Variants in DGKB observed in about 807,000 individuals in gnomAD.
DGKB encodes the protein diacylglycerol kinase beta.
Under a neutral mutation model 114.3 loss-of-function variants are expected in DGKB, and 67 were observed. The ratio of observed to expected loss-of-function variants is 0.59; its 90% CI spans 0.48 to 0.72. The LOEUF (loss-of-function observed/expected upper bound fraction) is 0.72, where lower values mean the gene tolerates loss of function less well. Ranked by LOEUF, DGKB falls within the 30% of genes least tolerant of loss-of-function variation. The pLI, the probability that DGKB is intolerant of heterozygous loss-of-function variation, is 0.00. For synonymous variants in DGKB, 398 were observed against 323.1 expected, an observed-to-expected ratio of 1.23 and a Z score of -2.49; for missense variants, 907 against 975.2, an observed-to-expected ratio of 0.93 and a Z score of 0.93.
intron 5 of DGKB, 104 bp from the exon 6 acceptor site, chr7:14,718,789 A>AT (rs922090500): frequency 5.7e-5 from 49 of 866,102 alleles, no homozygotes; most frequent in Admixed American, 2.1e-4. Context: ...AGAAATTTAT[A>AT]TTTTTTAGGC....
rs551539300 is a variant in DGKB, at chr7:14,824,382, G to C, written c.70+16812C>G. On this transcript the variant is annotated intron_variant, in intron 2 of 25. Coordinates refer to ENST00000402815, the MANE Select transcript of DGKB (RefSeq NM_001350709.2). The stretch of plus-strand genomic sequence containing the variant: ...TTTTGTTCTGTCTGGCTTTAGAATT[G>C]GGTAAGGACCTAGAACGTGTAAGGG... Among the ~76,000 whole-genome samples the C allele has an allele frequency of 2.0e-5, 3 of 152,160 alleles. No homozygotes were observed. In the South Asian group the frequency reaches 6.2e-4, roughly 32 times the overall value.
At chr7:14,288,519 G>C (rs988371510) in intron 23 of DGKB, among the ~76,000 whole-genome samples, 11 of 152,012 alleles carry the variant, frequency 7.2e-5, no homozygotes, top group African/African-American at 2.7e-4. Context: ...GCCAACTTAA[G>C]AGTCCCAGGA....
chr7:14,739,003 C>T (rs1443103148), intron 4 of DGKB, among the ~76,000 whole-genome samples: 1 of 152,216 alleles, frequency 6.6e-6, no homozygotes, highest in East Asian at 1.9e-4. Flanking sequence ...AAGAATTTAT[C>T]TGCTCTTTTG....
At position 14,329,041 on chromosome 7, in the gene DGKB, A is replaced by T. The variant is rs533287525; in HGVS notation, c.2122+9474T>A. Reference sequence around the variant, plus strand: ...GAGATTCTATGTATTTCCACAAAACAGAGTGGCCGCACACTTCCAAGGAGC... The same window carrying T: ...GAGATTCTATGTATTTCCACAAAACTGAGTGGCCGCACACTTCCAAGGAGC... On this transcript the variant is annotated intron_variant, in intron 23 of 25. Coordinates refer to ENST00000402815, the MANE Select transcript of DGKB (RefSeq NM_001350709.2). Among the ~76,000 whole-genome samples the T allele has an allele frequency of 5.9e-5, 9 of 152,148 alleles. No homozygotes were observed. In the South Asian group the frequency reaches 1.4e-3, roughly 25 times the overall value.
chr7:14,294,267 T>C (rs1044160644), intron 23 of DGKB, among the ~76,000 whole-genome samples: 1 of 152,170 alleles, frequency 6.6e-6, no homozygotes, highest in Non-Finnish European at 1.5e-5. Flanking sequence ...TTAGCCACCT[T>C]ATCCATCTGC....
At chr7:14,742,289 A>G (rs1832690756) in intron 4 of DGKB, among the ~76,000 whole-genome samples, 2 of 152,148 alleles carry the variant, frequency 1.3e-5, no homozygotes. Flanking sequence ...AAATCTTACA[A>G]CTACTGGATC....
intron 1 of DGKB, among the ~76,000 whole-genome samples, chr7:14,954,681 C>T (rs1312060660): frequency 2.0e-5 from 3 of 151,724 alleles, no homozygotes; most frequent in Non-Finnish European, 4.4e-5. Context: ...GCAGGAAGAA[C>T]AAATAATTAC....
chr7:14,368,835 AAGAGCCCGGG>A (rs1461705555), intron 21 of DGKB, among the ~76,000 whole-genome samples: 1 of 152,140 alleles, frequency 6.6e-6, no homozygotes, highest in Non-Finnish European at 1.5e-5. Context: ...TAGGCACAGG[AAGAGCCCGGG>A]AGAGCCCTCA....
chr7:14,231,298 A>T (rs1791801792), intron 23 of DGKB, among the ~76,000 whole-genome samples: 1 of 151,700 alleles, frequency 6.6e-6, no homozygotes, highest in African/African-American at 2.4e-5. Flanking sequence ...CACCATGCTC[A>T]GCCAATTTTT....
chr7:14,916,110 A>C (rs2128245333), intron 1 of DGKB, among the ~76,000 whole-genome samples: 1 of 135,282 alleles, frequency 7.4e-6, no homozygotes, highest in Non-Finnish European at 1.5e-5. Context: ...ACCATCTTTG[A>C]AACAGTATAC....
intron 13 of DGKB, among the ~76,000 whole-genome samples, chr7:14,671,925 A>G (rs1268165029): frequency 6.6e-6 from 1 of 152,156 alleles, no homozygotes; most frequent in Non-Finnish European, 1.5e-5. Context: ...AGGATGTCTA[A>G]TAAACCTTAC....
intron 21 of DGKB, among the ~76,000 whole-genome samples, chr7:14,386,098 T>C (rs561218499): frequency 4.5e-4 from 68 of 152,326 alleles, no homozygotes; most frequent in African/African-American, 1.5e-3. Context: ...ATAGAAACTT[T>C]AATATATTTT....
chr7:14,899,282 G>T (rs1482957170), intron 1 of DGKB, among the ~76,000 whole-genome samples: 1 of 152,084 alleles, frequency 6.6e-6, no homozygotes. Flanking sequence ...GTCAGCATCT[G>T]GCCTTTCTCC....
intron 23 of DGKB, among the ~76,000 whole-genome samples, chr7:14,226,404 T>A (rs1286637553): frequency 6.6e-6 from 1 of 152,020 alleles, no homozygotes; most frequent in Non-Finnish European, 1.5e-5. Context: ...TAAGACTTTT[T>A]AAAGGCGTGT....
At chr7:14,845,214 C>T (rs1848486431) in intron 1 of DGKB, among the ~76,000 whole-genome samples, 1 of 151,066 alleles carries the variant, frequency 6.6e-6, no homozygotes, top group South Asian at 2.1e-4. Context: ...GACTGGTGAA[C>T]TGCCATCCTT....
intron 21 of DGKB, among the ~76,000 whole-genome samples, chr7:14,417,337 A>T (rs1825865645): frequency 6.6e-6 from 1 of 152,094 alleles, no homozygotes; most frequent in South Asian, 2.1e-4. Context: ...AATAACTAGC[A>T]ACTTTAATGT....
chr7:14,345,670 C>A (rs1201528234), intron 21 of DGKB, among the ~76,000 whole-genome samples: 3 of 151,614 alleles, frequency 2.0e-5, no homozygotes, highest in Admixed American at 1.3e-4. Context: ...TTTTAATGCT[C>A]ATGATTCTTA....
At chr7:14,811,797 TA>T (rs1843474800) in intron 2 of DGKB, among the ~76,000 whole-genome samples, 1 of 123,248 alleles carries the variant, frequency 8.1e-6, no homozygotes, top group Admixed American at 8.4e-5. Context: ...TATATATGTA[TA>T]TATACACACA....
intron 25 of DGKB, among the ~76,000 whole-genome samples, chr7:14,171,116 A>C (rs1215160302): frequency 6.6e-6 from 1 of 152,164 alleles, no homozygotes; most frequent in African/African-American, 2.4e-5. Context: ...TGCACAATGA[A>C]GGTAGTTGTA....
Sources: gnomAD v4.1 joint callset for allele counts (sites outside exome capture counted in the v4.1 genomes callset) on GRCh38, gnomAD v4.1.1 for gene constraint, MANE v1.5 for transcripts, NCBI Gene and HGNC (gene_info 2026-07-23, HGNC 2026-07-21) for gene names.